ROS1: variants seen among roughly 807,000 people sequenced by gnomAD.
ROS1 encodes the protein ROS proto-oncogene 1, receptor tyrosine kinase.
In ROS1, 263 loss-of-function variants were observed where a neutral mutation model predicts 273.5. The observed-to-expected ratio is 0.96, with a 90% CI of 0.87 to 1.06. The LOEUF (loss-of-function observed/expected upper bound fraction) is 1.06, where lower values mean the gene tolerates loss of function less well. ROS1 is among the 50% of genes least tolerant of loss of function. The probability of loss-of-function intolerance (pLI) is 0.00; values close to 1 mark genes in which losing one functional copy is unlikely to be tolerated. For missense variants in ROS1, 2,833 were observed against 2,751.1 expected, an observed-to-expected ratio of 1.03 and a Z score of -0.67; for synonymous variants, 1,008 against 954.1, an observed-to-expected ratio of 1.06 and a Z score of -1.04.
At position 117,324,421 on chromosome 6, in the gene ROS1, A is replaced by G. The variant is rs754027392; in HGVS notation, c.5540-6T>C. On this transcript the variant is annotated splice_region_variant and splice_polypyrimidine_tract_variant and intron_variant, in intron 34 of 43. Transcript: ENST00000368507. The stretch of plus-strand genomic sequence containing the variant: ...TTCTGGTATCCAAAAATCATCTAAT[A>G]ATATAAATCAGAAAAAGAAATTAAT... 2.4e-6 allele frequency: 3 copies of G among 1,271,024 alleles called. No homozygotes were observed. The highest frequency in any genetic ancestry group is 4.7e-5 in the East Asian group (2 of 42,856). 78.7% of individuals were successfully genotyped at this position (1,271,024 alleles called of 1,614,324 possible).
chr6:117,397,290 C>T (rs760755579), intron 7 of ROS1, among the ~76,000 whole-genome samples, 174 bp from the exon 8 acceptor site: 4 of 151,702 alleles, frequency 2.6e-5, no homozygotes, highest in South Asian at 2.1e-4. Context: ...TAAACCAGTT[C>T]GCTCCTTTCC....
chr6:117,351,330 A>G (rs2128635358), intron 27 of ROS1, among the ~76,000 whole-genome samples: 1 of 152,238 alleles, frequency 6.6e-6, no homozygotes, highest in African/African-American at 2.4e-5. Context: ...AAACCCGAGC[A>G]GGTCCAGCTG....
At position 117,356,658 on chromosome 6, in the gene ROS1, C is replaced by T; in HGVS notation, c.4097G>A (p.Trp1366Ter). 1 of 1,613,904 alleles carries T rather than the reference C, an allele frequency of 6.2e-7. No individual in the cohort carries two copies. Among genetic ancestry groups the T allele is most frequent in the Non-Finnish European group, 8.5e-7 (1 of 1,179,872 alleles). ...WAMDLEGCQCWRVITVPAMLG... is the reference protein window; with the variant it reads ...WAMDLEGCQC ...CATAGCAGGTACTGTGATAACTCTC[C>T]AACACTGACAGCCTTCCAGATCCAT... The change falls in exon 26 of 44, where the codon TGG becomes TAG. Residue 1366 changes from tryptophan to a stop codon, truncating the protein, a stop_gained. Transcript: ENST00000368507. LOFTEE classifies it high-confidence loss of function.
intron 42 of ROS1, among the ~76,000 whole-genome samples, chr6:117,306,037 T>G (rs1775073542): frequency 6.6e-6 from 1 of 151,648 alleles, no homozygotes; most frequent in Admixed American, 6.6e-5. Context: ...CAAGTTTTTT[T>G]TTTTTTTTTT....
chr6:117,394,132 C>A lies in ROS1; in HGVS notation c.1191+30G>T, dbSNP rs185126466. ...TATGCATATCAGTATCACTGTCTAT[C>A]ACTATTCCTCTTTAACTTCTCGGAC... On this transcript the variant is annotated intron_variant, in intron 11 of 43. Coordinates refer to ENST00000368507, the MANE Select transcript of ROS1 (RefSeq NM_001378902.1). The A allele has an allele frequency of 1.0e-5, 15 of 1,447,534 alleles. No individual in the cohort carries two copies. The Admixed American group carries it at 1.2e-4, about 12-fold the overall frequency. 89.7% of individuals were successfully genotyped at this position (1,447,534 alleles called of 1,614,324 possible). A position where few individuals can be genotyped will look rare whatever the true frequency, so the allele number is the denominator to read the frequency against.
Position 117,359,822 on chromosome 6 carries a change from C to G in ROS1, c.3620G>C (p.Arg1207Pro), listed in dbSNP as rs771443531. ...ATAGTGAAATACCTCAGAGCTAGAGCGATTGTGCAAGTGCAGAAGAAAGAG... is the reference window on the plus strand; with the variant it reads ...ATAGTGAAATACCTCAGAGCTAGAGGGATTGTGCAAGTGCAGAAGAAAGAG... ...DSLFLLHLHNRSSSELFQDSL... is the reference protein window; with the variant it reads ...DSLFLLHLHNPSSSELFQDSL... The change falls in exon 24 of 44, where the codon CGC becomes CCC. Residue 1207 changes from arginine to proline, a missense_variant. Transcript: ENST00000368507. 28 of 1,613,242 alleles carry G rather than the reference C, an allele frequency of 1.7e-5. No homozygotes were observed. The highest frequency in any genetic ancestry group is 2.4e-5 in the Non-Finnish European group (28 of 1,179,350).
At chr6:117,414,472 T>C in intron 4 of ROS1, 47 bp downstream of exon 4, 1 of 735,488 alleles carries the variant, frequency 1.4e-6, no homozygotes, top group East Asian at 2.5e-5. Flanking sequence ...AGACCAGAGA[T>C]GAAGACATGT....
chr6:117,365,966 A>T, intron 19 of ROS1, 110 bp downstream of exon 19: 1 of 979,928 alleles, frequency 1.0e-6, no homozygotes, highest in Non-Finnish European at 1.5e-6. Context: ...AATTACTGAA[A>T]CCTTACTCCT....
intron 42 of ROS1, among the ~76,000 whole-genome samples, chr6:117,305,619 A>C (rs1339104810): frequency 2.0e-5 from 3 of 152,216 alleles, no homozygotes; most frequent in Non-Finnish European, 4.4e-5. Context: ...GGAGCTATAT[A>C]AGCAACAGTC....
chr6:117,339,316 CT>C (rs1436109442), intron 31 of ROS1, among the ~76,000 whole-genome samples: 6 of 152,146 alleles, frequency 3.9e-5, no homozygotes, highest in African/African-American at 1.4e-4. Context: ...TTGGACACCC[CT>C]GATCTAGATC....
intron 5 of ROS1, among the ~76,000 whole-genome samples, chr6:117,407,597 C>A (rs1012012084): frequency 2.0e-5 from 3 of 152,242 alleles, no homozygotes; most frequent in Non-Finnish European, 4.4e-5. Context: ...AAGGTGCATT[C>A]AATACAATAT....
rs772648589 is a variant in ROS1, at chr6:117,321,385, CTATGCCAGACTATAAAGGAAAAAATGACA to C, written c.5624-20_5632del. 4.4e-6 allele frequency: 7 copies of C among 1,600,532 alleles called. No homozygotes were observed. Among genetic ancestry groups the C allele is most frequent in the Non-Finnish European group, 6.0e-6 (7 of 1,175,826 alleles). On this transcript the variant is annotated splice_acceptor_variant and splice_polypyrimidine_tract_variant and coding_sequence_variant and intron_variant, in exon 36 of 44. Transcript: ENST00000368507. LOFTEE classifies it high-confidence loss of function. ...GGCACTTTTTTGATTCTTTAATCTT[CTATGCCAGACTATAAAGGAAAAAATGACA>C]TAATTTACAAAATAAAATATTGCTT...
intron 43 of ROS1, among the ~76,000 whole-genome samples, chr6:117,294,337 A>G (rs1305432763): frequency 1.3e-5 from 2 of 152,164 alleles, no homozygotes; most frequent in Admixed American, 1.3e-4. Context: ...GAAAATAAAA[A>G]GGCATCTCAT....
Position 117,298,800 on chromosome 6 carries a change from A to T in ROS1, c.6715+2174T>A, listed in dbSNP as rs181398673. Among the ~76,000 whole-genome samples the T allele has an allele frequency of 2.1e-3, 325 of 152,370 alleles. 1 individual carries two copies. Among genetic ancestry groups the T allele is most frequent in the African/African-American group, 7.3e-3 (305 of 41,602 alleles). ...GTTTTTCTTTAAAGCAGACAAATGG[A>T]AGACATTAAATACAGGTGCTTACAC... On this transcript the variant is annotated intron_variant, in intron 43 of 43. Coordinates refer to ENST00000368507, the MANE Select transcript of ROS1 (RefSeq NM_001378902.1).
intron 3 of ROS1, among the ~76,000 whole-genome samples, chr6:117,415,503 C>G (rs2128743463): frequency 6.6e-6 from 1 of 152,190 alleles, no homozygotes; most frequent in East Asian, 1.9e-4. Context: ...TTTTAAAAGG[C>G]AAAATTCTTA....
intron 7 of ROS1, among the ~76,000 whole-genome samples, chr6:117,400,604 T>C (rs2128721183): frequency 6.6e-6 from 1 of 152,350 alleles, no homozygotes; most frequent in East Asian, 1.9e-4. Flanking sequence ...TTTCCAGAGA[T>C]AATGTCACTG....
intron 11 of ROS1, 46 bp from the exon 12 acceptor site, chr6:117,393,367 C>T (rs1160407786): frequency 8.3e-7 from 1 of 1,202,134 alleles, no homozygotes; most frequent in South Asian, 1.2e-5. Context: ...TCTGTCTATA[C>T]AGCATTAAAT....
chr6:117,342,235 G>A (rs1213761971), intron 29 of ROS1, among the ~76,000 whole-genome samples, 165 bp downstream of exon 29: 2 of 152,102 alleles, frequency 1.3e-5, no homozygotes, highest in African/African-American at 4.8e-5. Flanking sequence ...AGGGGTTAGA[G>A]TAAGGGTCAG....
chr6:117,306,182 T>G (rs1451809780), intron 42 of ROS1, among the ~76,000 whole-genome samples: 1 of 152,138 alleles, frequency 6.6e-6, no homozygotes, highest in Non-Finnish European at 1.5e-5. Flanking sequence ...AGGGAAAAGT[T>G]TCTACAGGTA....
Sources: gnomAD v4.1 joint callset for allele counts (sites outside exome capture counted in the v4.1 genomes callset) on GRCh38, gnomAD v4.1.1 for gene constraint, MANE v1.5 for transcripts, NCBI Gene and HGNC (gene_info 2026-07-23, HGNC 2026-07-21) for gene names.